The following MAF variants were observed in gnomAD, a reference collection of about 807,000 sequenced individuals.
MAF encodes MAF bZIP transcription factor.
In MAF, 10 loss-of-function variants were observed where a neutral mutation model predicts 22.0. That is an observed-to-expected ratio of 0.45 (90% CI 0.28 to 0.77). The LOEUF is 0.77. MAF is among the 30% of genes least tolerant of loss of function. MAF has a pLI of 0.12. For missense variants in MAF, 544 were observed against 548.4 expected, an observed-to-expected ratio of 0.99 and a Z score of 0.08; for synonymous variants, 337 against 255.8, an observed-to-expected ratio of 1.32 and a Z score of -3.03.
chr16:79,417,911 G>A, the MAF span, among the ~76,000 whole-genome samples: 1 of 152,124 alleles, frequency 6.6e-6, no homozygotes, highest in African/African-American at 2.4e-5. Context: ...GGAATTCTTA[G>A]AAATGATAAA....
At chr16:79,379,318 A>T in the MAF span, among the ~76,000 whole-genome samples, 1 of 152,226 alleles carries the variant, frequency 6.6e-6, no homozygotes, top group Admixed American at 6.5e-5. Context: ...GAGCACTGGC[A>T]TGTTGCCTTG....
chr16:79,596,973 C>A (rs1913569621), intron 1 of MAF: 1 of 1,050,870 alleles, frequency 9.5e-7, no homozygotes. Flanking sequence ...AAAAAACATA[C>A]ATTTTTGAAT....
the MAF span, among the ~76,000 whole-genome samples, chr16:79,431,069 T>A: frequency 2.0e-5 from 3 of 152,074 alleles, no homozygotes; most frequent in Non-Finnish European, 4.4e-5. Context: ...ATCATTTTCT[T>A]TGAATCAGAA....
chr16:79,468,650 G>A, the MAF span, among the ~76,000 whole-genome samples: 6 of 152,272 alleles, frequency 3.9e-5, no homozygotes, highest in East Asian at 1.2e-3. Flanking sequence ...TGGCATTGAG[G>A]GGCAGTCAGA....
the MAF span, among the ~76,000 whole-genome samples, chr16:79,320,143 G>T: frequency 6.6e-6 from 1 of 152,138 alleles, no homozygotes; most frequent in Admixed American, 6.5e-5. Context: ...CCATGTCCAG[G>T]AGAGTTTGGT....
chr16:79,372,602 T>C, the MAF span, among the ~76,000 whole-genome samples: 5 of 152,212 alleles, frequency 3.3e-5, no homozygotes, highest in African/African-American at 1.2e-4. Context: ...GGGCATCTTA[T>C]AACCCACTTC....
At chr16:79,439,157 T>G in the MAF span, among the ~76,000 whole-genome samples, 1 of 152,128 alleles carries the variant, frequency 6.6e-6, no homozygotes. Flanking sequence ...ATCGTTCATT[T>G]ACGTACCAAG....
At chr16:79,565,151 C>G in the MAF span, among the ~76,000 whole-genome samples, 1 of 152,138 alleles carries the variant, frequency 6.6e-6, no homozygotes, top group Non-Finnish European at 1.5e-5. Context: ...TTTCTGCTAC[C>G]AAAGACCCAA....
chr16:79,303,401 T>A, the MAF span, among the ~76,000 whole-genome samples: 9 of 152,200 alleles, frequency 5.9e-5, no homozygotes, highest in African/African-American at 2.2e-4. Context: ...ACTGCCTACT[T>A]CTTCAAAGAG....
the MAF span, among the ~76,000 whole-genome samples, chr16:79,372,761 C>A: frequency 6.6e-6 from 1 of 152,170 alleles, no homozygotes; most frequent in African/African-American, 2.4e-5. Flanking sequence ...CCTACAAAAG[C>A]CTGTCTGGTT....
the MAF span, among the ~76,000 whole-genome samples, chr16:79,537,339 T>A: frequency 6.6e-6 from 1 of 152,212 alleles, no homozygotes; most frequent in African/African-American, 2.4e-5. Flanking sequence ...CTAATAGTCA[T>A]CGAGTACTTG....
chr16:79,568,991 A>G, the MAF span, among the ~76,000 whole-genome samples: 1 of 152,230 alleles, frequency 6.6e-6, no homozygotes, highest in Non-Finnish European at 1.5e-5. Context: ...TTATGTCACT[A>G]AATTAGTCAG....
chr16:79,308,197 C>A, the MAF span, among the ~76,000 whole-genome samples: 1 of 152,204 alleles, frequency 6.6e-6, no homozygotes, highest in African/African-American at 2.4e-5. Flanking sequence ...TGAATTGACC[C>A]AACACGGGTC....
chr16:79,456,916 T>C, the MAF span, among the ~76,000 whole-genome samples: 1 of 150,746 alleles, frequency 6.6e-6, no homozygotes, highest in African/African-American at 2.5e-5. Flanking sequence ...GTTTATTTCT[T>C]CCTACAAAGC....
the MAF span, among the ~76,000 whole-genome samples, chr16:79,491,469 C>T: frequency 6.6e-6 from 1 of 152,142 alleles, no homozygotes; most frequent in Admixed American, 6.5e-5. Flanking sequence ...TTCGCAGTCT[C>T]GAGTCCCAGT....
At chr16:79,557,466 G>C in the MAF span, among the ~76,000 whole-genome samples, 2 of 152,060 alleles carry the variant, frequency 1.3e-5, no homozygotes, top group Non-Finnish European at 2.9e-5. Flanking sequence ...CAAATGCAGA[G>C]CACAAAGAAA....
At chr16:79,219,010 G>A in the MAF span, among the ~76,000 whole-genome samples, 1 of 152,296 alleles carries the variant, frequency 6.6e-6, no homozygotes, top group Non-Finnish European at 1.5e-5. Context: ...CTGATGCACC[G>A]TCTGCTTTTA....
the MAF span, among the ~76,000 whole-genome samples, chr16:79,326,847 C>T: frequency 2.6e-5 from 4 of 152,164 alleles, no homozygotes; most frequent in African/African-American, 7.2e-5. Context: ...CTTGAGGCAT[C>T]CAGAGACACA....
At chr16:79,366,240 G>T in the MAF span, among the ~76,000 whole-genome samples, 1 of 152,156 alleles carries the variant, frequency 6.6e-6, no homozygotes, top group Non-Finnish European at 1.5e-5. Context: ...AGCTCTACAA[G>T]ATTCAACCTT....
Sources: allele counts gnomAD v4.1 joint callset (sites outside exome capture counted in the v4.1 genomes callset), GRCh38; gene constraint gnomAD v4.1.1; transcripts MANE v1.5; gene names NCBI Gene and HGNC (gene_info 2026-07-23, HGNC 2026-07-21).